ZNF516: variants seen among roughly 807,000 people sequenced by gnomAD.
ZNF516 encodes zinc finger protein 516.
In ZNF516, 19 loss-of-function variants were observed where a neutral mutation model predicts 79.7. The ratio of observed to expected loss-of-function variants is 0.24; its 90% CI spans 0.17 to 0.35. The LOEUF is 0.35. ZNF516 is among the 10% of genes least tolerant of loss of function. The pLI is 1.00. For synonymous variants in ZNF516, 877 were observed against 739.5 expected (o/e 1.19, Z -3.02); for missense variants, 1,678 against 1,679.5 (o/e 1.00, Z 0.02).
rs554372565 is a variant in ZNF516 at position 76,390,198 on chromosome 18, C to A, written c.1811-9895G>T. On this transcript the variant is annotated intron_variant, in intron 3 of 6. Transcript: ENST00000443185. ...TGAGTATGCGCTAAGGTTTTTAATA[C>A]AACTGGCTTCTTTCCATTGTCTCCC... Among the ~76,000 whole-genome samples, 15 of 152,300 alleles carry A rather than the reference C, an allele frequency of 9.8e-5. 1 individual carries two copies. The highest frequency in any genetic ancestry group is 3.3e-4 in the Admixed American group (5 of 15,308).
In ZNF516 at chr18:76,361,008, A is replaced by G. The variant is rs1015261455; in HGVS notation, c.*1490T>C. The G allele has an allele frequency of 6.6e-6, 1 of 151,896 alleles. No homozygotes were observed. Among genetic ancestry groups the G allele is most frequent in the Non-Finnish European group, 1.5e-5 (1 of 67,994 alleles). 9.4% of individuals were successfully genotyped at this position (151,896 alleles called of 1,614,324 possible). The stretch of plus-strand genomic sequence containing the variant: ...TCTCGCCAGTATTAAAGGTTAGGAT[A>G]ATTTCTGTACATGTAAAATTATTGC... On this transcript the variant is annotated 3_prime_UTR_variant, in exon 7 of 7. Transcript: ENST00000443185.
At chr18:76,434,079 G>A (rs979932367) in intron 3 of ZNF516, among the ~76,000 whole-genome samples, 28 of 148,122 alleles carry the variant, frequency 1.9e-4, no homozygotes, top group African/African-American at 6.3e-4. Context: ...AGGAACTGAC[G>A]GCTCGGAGTG....
intron 6 of ZNF516, among the ~76,000 whole-genome samples, chr18:76,368,741 T>G (rs2074657777): frequency 6.6e-6 from 1 of 152,234 alleles, no homozygotes; most frequent in African/African-American, 2.4e-5. Context: ...ATTATTATAT[T>G]GTTACTCATA....
At chr18:76,450,756 AGTTAAATATGGC>A in intron 2 of ZNF516, among the ~76,000 whole-genome samples, 1 of 152,344 alleles carries the variant, frequency 6.6e-6, no homozygotes, top group Middle Eastern at 3.4e-3. Flanking sequence ...TGTTCTGACC[AGTTAAATATGGC>A]GTTATCAGGG....
At chr18:76,378,350 C>G (rs569569598) in intron 4 of ZNF516, 2 of 152,648 alleles carry the variant, frequency 1.3e-5, no homozygotes, top group African/African-American at 4.8e-5. Flanking sequence ...CTCTGCAAAG[C>G]TTTGCTTACT....
intron 3 of ZNF516, among the ~76,000 whole-genome samples, chr18:76,399,634 T>C (rs1418716671): frequency 6.6e-6 from 1 of 152,242 alleles, no homozygotes; most frequent in Non-Finnish European, 1.5e-5. Context: ...TTCTAAGCGC[T>C]AGAGAGGAGG....
chr18:76,367,367 G>C (rs147123749), intron 6 of ZNF516, among the ~76,000 whole-genome samples: 2,539 of 152,280 alleles, frequency 0.017, 38 homozygotes, highest in Middle Eastern at 0.034. Context: ...TCTCAGTAGC[G>C]TGTGACCTGC....
chr18:76,412,155 A>C (rs2075379019), intron 3 of ZNF516, among the ~76,000 whole-genome samples: 1 of 152,332 alleles, frequency 6.6e-6, no homozygotes. Flanking sequence ...CTATTTTCAG[A>C]GGAAGCGGCA....
intron 3 of ZNF516, 137 bp downstream of exon 3, chr18:76,441,108 G>A (rs1301153094): frequency 4.6e-6 from 6 of 1,294,152 alleles, no homozygotes; most frequent in Middle Eastern, 2.8e-4. Flanking sequence ...GGTTACCTGA[G>A]CATAGGCCTA....
At chr18:76,438,800 T>C (rs1169273632) in intron 3 of ZNF516, among the ~76,000 whole-genome samples, 1 of 152,246 alleles carries the variant, frequency 6.6e-6, no homozygotes, top group African/African-American at 2.4e-5. Context: ...GGCAAAATTA[T>C]GGCACAACTG....
rs570653685 is a variant in ZNF516, at chr18:76,473,630, T to A, written c.-271-10489A>T. Among the ~76,000 whole-genome samples the A allele has an allele frequency of 5.5e-4, 84 of 151,946 alleles. 1 individual carries two copies. The East Asian group carries it at 7.5e-3, about 14-fold the overall frequency. ...TCCTAGCTAACACGGTGAAACCCTG[T>A]CTCTACTAAAAATACAAAAAATTAT... On this transcript the variant is annotated intron_variant, in intron 1 of 6. Coordinates refer to ENST00000443185, the MANE Select transcript of ZNF516 (RefSeq NM_014643.4).
chr18:76,490,075 A>T, intron 1 of ZNF516: 2 of 688,524 alleles, frequency 2.9e-6, no homozygotes, highest in Non-Finnish European at 3.6e-6. Flanking sequence ...GAAAAACATT[A>T]GACATGCTTG....
intron 4 of ZNF516, among the ~76,000 whole-genome samples, chr18:76,373,924 G>T (rs1002849247): frequency 6.6e-6 from 1 of 152,240 alleles, no homozygotes; most frequent in African/African-American, 2.4e-5. Flanking sequence ...TGGTAAGCAC[G>T]CAGCTCAAAT....
chr18:76,377,662 A>G (rs2074809412), intron 4 of ZNF516, among the ~76,000 whole-genome samples: 1 of 151,530 alleles, frequency 6.6e-6, no homozygotes, highest in Admixed American at 6.6e-5. Context: ...GCAGCCCTGG[A>G]TCTCAGATGT....
At chr18:76,428,640 G>C (rs992598030) in intron 3 of ZNF516, among the ~76,000 whole-genome samples, 1 of 152,162 alleles carries the variant, frequency 6.6e-6, no homozygotes, top group Non-Finnish European at 1.5e-5. Context: ...TGAGGAACAA[G>C]ACACATCAAA....
intron 6 of ZNF516, among the ~76,000 whole-genome samples, chr18:76,369,392 C>T (rs1284233525): frequency 6.6e-6 from 1 of 152,038 alleles, no homozygotes; most frequent in African/African-American, 2.4e-5. Context: ...TTTAACAATA[C>T]ACAGAAATTC....
At chr18:76,435,073 G>C (rs1458175865) in intron 3 of ZNF516, among the ~76,000 whole-genome samples, 2 of 152,210 alleles carry the variant, frequency 1.3e-5, no homozygotes, top group Non-Finnish European at 2.9e-5. Context: ...AAAACGGGAG[G>C]ATAGAATGGA....
At chr18:76,458,728 C>A (rs1912899070) in intron 2 of ZNF516, among the ~76,000 whole-genome samples, 1 of 144,254 alleles carries the variant, frequency 6.9e-6, no homozygotes, top group Admixed American at 6.9e-5. Flanking sequence ...CGTGTGCATG[C>A]CTGTAGGCAA....
At chr18:76,462,764 T>C (rs183296574) in intron 2 of ZNF516, among the ~76,000 whole-genome samples, 85 of 152,328 alleles carry the variant, frequency 5.6e-4, no homozygotes, top group African/African-American at 2.0e-3. Flanking sequence ...CAGCTTACAC[T>C]GGCTGTTTTT....
Sources: allele counts gnomAD v4.1 joint callset (sites outside exome capture counted in the v4.1 genomes callset), GRCh38; gene constraint gnomAD v4.1.1; transcripts MANE v1.5; gene names NCBI Gene and HGNC (gene_info 2026-07-23, HGNC 2026-07-21).